RALYL: variants seen among roughly 807,000 people sequenced by gnomAD.
RALYL encodes the protein RNA-binding Raly-like protein.
Under a neutral mutation model 35.1 loss-of-function variants are expected in RALYL, and 29 were observed. That is an observed-to-expected ratio of 0.83 (90% CI 0.61 to 1.13). RALYL has a LOEUF of 1.13. RALYL is among the 50% of genes most tolerant of loss of function. The pLI, the probability that RALYL is intolerant of heterozygous loss-of-function variation, is 0.00. For missense variants in RALYL, 359 were observed against 360.4 expected (o/e 1.00, Z 0.03); for synonymous variants, 120 against 127.6 (o/e 0.94, Z 0.40).
At position 84,515,919 on chromosome 8, in the gene RALYL, T is replaced by C. The variant is rs2058023997; in HGVS notation, c.-23-13380T>C. ...TTCATCGTATGATTATTAAAGGCAA[T>C]GGATTTACCAGTGAATGCTGTTGCT... On this transcript the variant is annotated intron_variant, in intron 1 of 8. Transcript: ENST00000521268. Among the ~76,000 whole-genome samples the C allele has an allele frequency of 3.3e-5, 5 of 151,322 alleles. No homozygotes were observed. The South Asian group carries it at 1.0e-3, about 32-fold the overall frequency.
At chr8:84,568,947 G>A (rs1295431929) in intron 2 of RALYL, among the ~76,000 whole-genome samples, 18 of 150,184 alleles carry the variant, frequency 1.2e-4, no homozygotes, top group African/African-American at 4.4e-4. Flanking sequence ...CTGGATATTA[G>A]CCCTTTGTCA....
At chr8:84,341,252 A>G (rs1848739286) in intron 1 of RALYL, among the ~76,000 whole-genome samples, 1 of 150,652 alleles carries the variant, frequency 6.6e-6, no homozygotes. Context: ...ATGAGAGACT[A>G]AATATTACCA....
chr8:84,191,970 T>C (rs1468273354), intron 1 of RALYL, among the ~76,000 whole-genome samples: 1 of 152,176 alleles, frequency 6.6e-6, no homozygotes, highest in Non-Finnish European at 1.5e-5. Flanking sequence ...AAATAATCAA[T>C]TAAAATTATT....
At chr8:84,649,940 A>G (rs906219117) in intron 2 of RALYL, among the ~76,000 whole-genome samples, 1 of 151,916 alleles carries the variant, frequency 6.6e-6, no homozygotes, top group African/African-American at 2.4e-5. Flanking sequence ...ATTTCTTTGT[A>G]TCCTCTTTTA....
At chr8:84,378,007 T>C (rs979529685) in intron 1 of RALYL, among the ~76,000 whole-genome samples, 1 of 151,950 alleles carries the variant, frequency 6.6e-6, no homozygotes, top group Non-Finnish European at 1.5e-5. Context: ...GCTAGCGCTC[T>C]TGAAGTCATG....
intron 1 of RALYL, among the ~76,000 whole-genome samples, chr8:84,205,161 T>C (rs1817771013): frequency 6.6e-6 from 1 of 152,236 alleles, no homozygotes; most frequent in African/African-American, 2.4e-5. Flanking sequence ...TTCTGCCTAA[T>C]AAAACATATG....
At chr8:84,293,565 A>T (rs1586012528) in intron 1 of RALYL, among the ~76,000 whole-genome samples, 1 of 152,086 alleles carries the variant, frequency 6.6e-6, no homozygotes, top group African/African-American at 2.4e-5. Context: ...AAACACCTAC[A>T]TATTTTTTCT....
intron 1 of RALYL, among the ~76,000 whole-genome samples, chr8:84,432,682 C>T (rs1271683111): frequency 6.6e-6 from 1 of 152,072 alleles, no homozygotes; most frequent in Non-Finnish European, 1.5e-5. Flanking sequence ...CTGAGTTCTA[C>T]ATCCAATATG....
intron 2 of RALYL, among the ~76,000 whole-genome samples, chr8:84,607,007 T>C (rs1817295750): frequency 6.6e-6 from 1 of 152,088 alleles, no homozygotes; most frequent in Non-Finnish European, 1.5e-5. Context: ...TGTGTGTGTG[T>C]GTGTTTGTTT....
chr8:84,494,260 T>C (rs2055720255), intron 1 of RALYL, among the ~76,000 whole-genome samples: 1 of 152,294 alleles, frequency 6.6e-6, no homozygotes, highest in East Asian at 1.9e-4. Flanking sequence ...TCCATTGGTC[T>C]ATATGTCTGT....
chr8:84,568,588 A>G (rs1191589216), intron 2 of RALYL, among the ~76,000 whole-genome samples: 13 of 141,042 alleles, frequency 9.2e-5, no homozygotes, highest in Non-Finnish European at 1.1e-4. Flanking sequence ...GCTGGGTCAA[A>G]TGGTATTTCT....
At chr8:84,471,586 G>A (rs7013087) in intron 1 of RALYL, among the ~76,000 whole-genome samples, 53,092 of 151,970 alleles carry the variant, frequency 0.35, 9,601 homozygotes, top group South Asian at 0.52. Context: ...GCAACAACAA[G>A]AAGACTGGTT....
intron 1 of RALYL, among the ~76,000 whole-genome samples, chr8:84,494,535 G>A (rs2055769231): frequency 2.0e-5 from 3 of 152,088 alleles, no homozygotes; most frequent in Non-Finnish European, 4.4e-5. Context: ...CTGTCCATGA[G>A]GATGGAATGG....
intron 1 of RALYL, among the ~76,000 whole-genome samples, chr8:84,353,109 A>G (rs1199717143): frequency 6.7e-6 from 1 of 150,158 alleles, no homozygotes; most frequent in Non-Finnish European, 1.5e-5. Flanking sequence ...TTTCCCAGAT[A>G]CAATCATATT....
At chr8:84,245,843 G>C (rs1298367532) in intron 1 of RALYL, among the ~76,000 whole-genome samples, 5 of 152,046 alleles carry the variant, frequency 3.3e-5, no homozygotes, top group Non-Finnish European at 5.9e-5. Flanking sequence ...TTATGAGAAG[G>C]CTGATTTACC....
chr8:84,695,551 G>T (rs1274674616), intron 2 of RALYL, among the ~76,000 whole-genome samples: 2 of 151,702 alleles, frequency 1.3e-5, no homozygotes, highest in African/African-American at 2.4e-5. Flanking sequence ...AAAACCTTAT[G>T]AATCACATAT....
At chr8:84,382,368 A>G (rs937548554) in intron 1 of RALYL, among the ~76,000 whole-genome samples, 1 of 151,746 alleles carries the variant, frequency 6.6e-6, no homozygotes, top group Non-Finnish European at 1.5e-5. Context: ...TCATCTTGCA[A>G]AAATCTGCAT....
chr8:84,341,013 T>C (rs186820965), intron 1 of RALYL, among the ~76,000 whole-genome samples: 23 of 152,174 alleles, frequency 1.5e-4, no homozygotes, highest in Admixed American at 7.2e-4. Flanking sequence ...TTCTAACAGG[T>C]GTGAGATGAT....
At chr8:84,898,601 C>T (rs1193834269) in intron 8 of RALYL, among the ~76,000 whole-genome samples, 1 of 152,130 alleles carries the variant, frequency 6.6e-6, no homozygotes, top group East Asian at 1.9e-4. Context: ...AAATTAAAAC[C>T]ACAATAAGGT....
Sources: gnomAD v4.1 joint callset for allele counts (sites outside exome capture counted in the v4.1 genomes callset) on GRCh38, gnomAD v4.1.1 for gene constraint, MANE v1.5 for transcripts, NCBI Gene and HGNC (gene_info 2026-07-23, HGNC 2026-07-21) for gene names.